The following WHRN variants were observed in gnomAD, a reference collection of about 807,000 sequenced individuals.
WHRN encodes whirlin.
WHRN carries 41 observed loss-of-function variants against 68.3 expected under a neutral mutation model. The observed-to-expected ratio is 0.60, with a 90% CI of 0.47 to 0.78. The LOEUF is 0.78. WHRN is among the 30% of genes least tolerant of loss of function. The pLI, the probability that WHRN is intolerant of heterozygous loss-of-function variation, is 0.00. For synonymous variants in WHRN, 560 were observed against 561.3 expected, an observed-to-expected ratio of 1.00 and a Z score of 0.03; for missense variants, 1,243 against 1,244.7, an observed-to-expected ratio of 1.00 and a Z score of 0.02.
At chr9:114,413,435 T>C (rs1000489988) in intron 7 of WHRN, among the ~76,000 whole-genome samples, 2 of 151,964 alleles carry the variant, frequency 1.3e-5, no homozygotes, top group Non-Finnish European at 2.9e-5. Context: ...AGCCAGGAAG[T>C]CCTGGCATTC....
Position 114,429,583 on chromosome 9 carries a change from G to A in WHRN, c.964-3170C>T, listed in dbSNP as rs368079943. Among the ~76,000 whole-genome samples, 182 of 152,278 alleles carry A rather than the reference G, an allele frequency of 1.2e-3. 7 individuals are homozygous for A. In the South Asian group the frequency reaches 0.034, roughly 29 times the overall value. ...CCCTTTTTATGTCTCTGAGCTCCCCGGTTGAGAAGCCAGGGCCCCTGAGAA... is the reference window on the plus strand; with the variant it reads ...CCCTTTTTATGTCTCTGAGCTCCCCAGTTGAGAAGCCAGGGCCCCTGAGAA... On this transcript the variant is annotated intron_variant, in intron 3 of 11. Coordinates refer to ENST00000362057, the MANE Select transcript of WHRN (RefSeq NM_015404.4).
Position 114,425,288 on chromosome 9 carries a change from C to T in WHRN, c.1167-264G>A, listed in dbSNP as rs10122624. 0.054 allele frequency: 34,298 copies of T among 633,090 alleles called. 1,042 individuals carry two copies. The highest frequency in any genetic ancestry group is 0.094 in the African/African-American group (5,209 of 55,126). 39.2% of individuals were successfully genotyped at this position (633,090 alleles called of 1,614,324 possible). A position where few individuals can be genotyped will look rare whatever the true frequency, so the allele number is the denominator to read the frequency against. On this transcript the variant is annotated intron_variant, in intron 4 of 11. Transcript: ENST00000362057. ...TGGGCTCCTGAGTTGTTGCCAACCCCGCAGGACCAGGCAGGTAACACAAGG... is the reference window on the plus strand; with the variant it reads ...TGGGCTCCTGAGTTGTTGCCAACCCTGCAGGACCAGGCAGGTAACACAAGG...
In WHRN at chr9:114,467,739, C is replaced by T. The variant is rs192480951; in HGVS notation, c.838-1347G>A. On this transcript the variant is annotated intron_variant, in intron 2 of 11. Transcript: ENST00000362057. ...GGAACATGCAGGTTAAGTGTGTCTC[C>T]GGTATGAAAGAGGGATTCATGGAAA... 5.9e-5 allele frequency among the ~76,000 whole-genome samples: 9 copies of T among 152,148 alleles called. No individual in the cohort carries two copies. In the East Asian group the frequency reaches 1.5e-3, roughly 26 times the overall value.
chr9:114,449,766 G>A (rs1282748609), intron 3 of WHRN, among the ~76,000 whole-genome samples: 1 of 152,158 alleles, frequency 6.6e-6, no homozygotes, highest in Non-Finnish European at 1.5e-5. Context: ...TCAGCTATCT[G>A]AGCATCGCAG....
Position 114,411,350 on chromosome 9 carries a change from C to G in WHRN, c.1627-3332G>C, listed in dbSNP as rs10982205. On this transcript the variant is annotated intron_variant, in intron 7 of 11. Transcript: ENST00000362057. ...ATAGTCCTGGTGTCAGCAGGAGGCA[C>G]AGAGAGGGGTCAGAGCCTCAGAGGT... Among the ~76,000 whole-genome samples, 371 of 152,250 alleles carry G rather than the reference C, an allele frequency of 2.4e-3. 9 individuals are homozygous for G. The East Asian group carries it at 0.036, about 15-fold the overall frequency.
Position 114,466,366 on chromosome 9 carries a change from C to T in WHRN, c.864G>A (p.Arg288=). Residue 288 remains arginine, a synonymous_variant, in exon 3 of 12, where the codon CGG becomes CGA. Coordinates refer to ENST00000362057, the MANE Select transcript of WHRN (RefSeq NM_015404.4). Reference sequence around the variant, plus strand: ...CCCCACGGATCGTGAGGCCCAGGGACCGGCCGTCCCCCAGCACCAGGTTCA... The same window carrying T: ...CCCCACGGATCGTGAGGCCCAGGGATCGGCCGTCCCCCAGCACCAGGTTCA... ...KKVNLVLGDG[R]SLGLTIRGGA... is the part of the protein sequence containing the mutation. The T allele has an allele frequency of 6.2e-7, 1 of 1,614,104 alleles. No individual in the cohort carries two copies. Among genetic ancestry groups the T allele is most frequent in the East Asian group, 2.2e-5 (1 of 44,882 alleles).
In WHRN at chr9:114,457,914, C is replaced by CA. The variant is rs11292103; in HGVS notation, c.963+8352dup. 8.0e-3 allele frequency among the ~76,000 whole-genome samples: 988 copies of CA among 123,392 alleles called. 5 individuals are homozygous for CA. Among genetic ancestry groups the CA allele is most frequent in the Non-Finnish European group, 9.9e-3 (579 of 58,756 alleles). The allele number at this position is 123,392 out of a possible 152,430, so 80.9% of individuals were successfully genotyped here. On this transcript the variant is annotated intron_variant, in intron 3 of 11. Coordinates refer to ENST00000362057, the MANE Select transcript of WHRN (RefSeq NM_015404.4). ...CTGGGCAACAGAGCCAGACTCTGTT[C>CA]AAAAAAAAAAAAAAAAAGTGGGCAT...
chr9:114,429,069 T>C (rs1473576378), intron 3 of WHRN, among the ~76,000 whole-genome samples: 3 of 152,170 alleles, frequency 2.0e-5, no homozygotes, highest in African/African-American at 7.2e-5. Context: ...TAGCTGGGAC[T>C]ACAGGTGCAC....
chr9:114,482,404 G>A (rs943420300), intron 1 of WHRN, among the ~76,000 whole-genome samples: 2 of 152,220 alleles, frequency 1.3e-5, no homozygotes, highest in African/African-American at 4.8e-5. Context: ...CAGAGAAAAT[G>A]GGATTCCAGT....
chr9:114,473,801 T>A (rs1841437752), intron 2 of WHRN, among the ~76,000 whole-genome samples: 1 of 152,192 alleles, frequency 6.6e-6, no homozygotes, highest in African/African-American at 2.4e-5. Flanking sequence ...TTCTGTTGGA[T>A]GCTCTGCAAG....
At chr9:114,475,145 T>C (rs1189347841) in intron 2 of WHRN, among the ~76,000 whole-genome samples, 2 of 152,070 alleles carry the variant, frequency 1.3e-5, no homozygotes, top group African/African-American at 4.8e-5. Flanking sequence ...CAAGCCCACT[T>C]TGGGGTATGT....
At chr9:114,408,167 C>T (rs1372398725) in intron 7 of WHRN, 149 bp from the exon 8 acceptor site, 1 of 708,434 alleles carries the variant, frequency 1.4e-6, no homozygotes, top group Non-Finnish European at 2.6e-6. Flanking sequence ...TCGAAATTCA[C>T]TTTACCCATT....
At chr9:114,486,814 CAAAAAAA>C (rs59992011) in intron 1 of WHRN, among the ~76,000 whole-genome samples, 12 of 71,196 alleles carry the variant, frequency 1.7e-4, no homozygotes, top group Admixed American at 1.7e-3. Context: ...GCTTCCCAGG[CAAAAAAA>C]AAAAAAAAAA....
rs201019203 is a variant in WHRN, at chr9:114,406,553, A to G, written c.2038T>C (p.Phe680Leu). Residue 680 changes from phenylalanine to leucine, a missense_variant, in exon 9 of 12, where the codon TTC becomes CTC. By Grantham distance (22) the Phe-to-Leu change is conservative. Transcript: ENST00000362057. The stretch of plus-strand genomic sequence containing the variant: ...TGCGGGGGTGACTGGACCCGTGGGA[A>G]GGGGCCGATGGGGTGTTGGTTGACC... The part of the protein sequence containing the change: ...ALVNQHPIGP[F>L]PRVQSPPHLK... 1.2e-6 allele frequency: 2 copies of G among 1,612,664 alleles called. No homozygotes were observed. Among genetic ancestry groups the G allele is most frequent in the East Asian group, 2.2e-5 (1 of 44,842 alleles).
chr9:114,480,625 T>C (rs539196558), intron 1 of WHRN, among the ~76,000 whole-genome samples: 16 of 152,166 alleles, frequency 1.1e-4, no homozygotes, highest in Non-Finnish European at 1.6e-4. Flanking sequence ...AGAAATTAAA[T>C]GTCTATTGCT....
At chr9:114,427,887 G>GGGAT (rs1267472530) in intron 3 of WHRN, among the ~76,000 whole-genome samples, 2 of 152,040 alleles carry the variant, frequency 1.3e-5, no homozygotes, top group East Asian at 3.9e-4. Flanking sequence ...ACTGTGTGCT[G>GGGAT]GGATGTTGTG....
intron 1 of WHRN, among the ~76,000 whole-genome samples, chr9:114,486,832 AAGAG>A (rs1398885395): frequency 3.3e-5 from 5 of 149,388 alleles, no homozygotes; most frequent in Non-Finnish European, 7.4e-5. Flanking sequence ...AAAAAAAAAA[AAGAG>A]AGAAATAACA....
intron 2 of WHRN, among the ~76,000 whole-genome samples, chr9:114,473,496 G>C (rs906778502): frequency 6.6e-6 from 1 of 152,200 alleles, no homozygotes; most frequent in African/African-American, 2.4e-5. Context: ...ATTCATGCAG[G>C]CTCTCCAGGC....
intron 1 of WHRN, among the ~76,000 whole-genome samples, chr9:114,489,341 C>T (rs1384542066): frequency 6.6e-6 from 1 of 152,082 alleles, no homozygotes; most frequent in Non-Finnish European, 1.5e-5. Flanking sequence ...CCTGAAGTTA[C>T]CAATGATTTC....
Sources: allele counts gnomAD v4.1 joint callset (sites outside exome capture counted in the v4.1 genomes callset), GRCh38; gene constraint gnomAD v4.1.1; transcripts MANE v1.5; gene names NCBI Gene and HGNC (gene_info 2026-07-23, HGNC 2026-07-21).